LRRC9: variants seen among roughly 807,000 people sequenced by gnomAD.
LRRC9 encodes the protein leucine-rich repeat-containing protein 9.
A neutral mutation model predicts 63.2 loss-of-function variants in LRRC9; 122 were observed. That is an observed-to-expected ratio of 1.93 (90% CI 1.67 to 2.24). The LOEUF is 2.24. LRRC9 is among the 30% of genes most tolerant of loss of function. LRRC9 has a pLI of 0.00. For missense variants in LRRC9, 1,071 were observed against 627.7 expected, an observed-to-expected ratio of 1.71 and a Z score of -7.55; for synonymous variants, 366 against 213.1, an observed-to-expected ratio of 1.72 and a Z score of -6.25.
At chr14:59,994,317 T>C (rs1405715954) in intron 17 of LRRC9, among the ~76,000 whole-genome samples, 1 of 152,144 alleles carries the variant, frequency 6.6e-6, no homozygotes, top group Non-Finnish European at 1.5e-5. Flanking sequence ...TGAGATACCA[T>C]CTCACACCAG....
chr14:60,060,462 C>T lies in LRRC9; in HGVS notation c.4276+2440C>T, dbSNP rs1014295726. Among the ~76,000 whole-genome samples, 19 of 152,024 alleles carry T rather than the reference C, an allele frequency of 1.2e-4. No individual in the cohort carries two copies. The highest frequency in any genetic ancestry group is 2.9e-4 in the African/African-American group (12 of 41,378). On this transcript the variant is annotated intron_variant, in intron 31 of 31. Coordinates refer to ENST00000445360, the Ensembl canonical transcript of LRRC9. This position sits in a 1 kb window ranked among gnomAD's most constrained non-coding sequence, Gnocchi z 4.0. ...ACTACCATAGACAGTGATTCCTAAC[C>T]GGGCGCGATGGCTCACGCTTGTAAT...
exon 10 of LRRC9, chr14:59,961,001 T>G: frequency 2.9e-6 from 2 of 693,268 alleles, no homozygotes; most frequent in Non-Finnish European, 5.3e-6. Context: ...AGTTAGAGAC[T>G]GTGGGAAATT....
rs1211191813 is a variant in LRRC9 at position 60,058,832 on chromosome 14, G to C, written c.4276+810G>C. On this transcript the variant is annotated intron_variant, in intron 31 of 31. Coordinates refer to ENST00000445360, the Ensembl canonical transcript of LRRC9. The surrounding 1 kb of genome is among the most constrained non-coding windows in gnomAD (Gnocchi z 4.4). ...TTCCATGTGATTAAAGTTTTTTAAA[G>C]AAACCCACTGAAAAACAAACCAGCA... 6.6e-6 allele frequency among the ~76,000 whole-genome samples: 1 copy of C among 152,038 alleles called. No individual in the cohort carries two copies. Among genetic ancestry groups the C allele is most frequent in the African/African-American group, 2.4e-5 (1 of 41,408 alleles).
chr14:59,946,101 C>A (rs939326577), intron 8 of LRRC9, among the ~76,000 whole-genome samples: 3 of 151,202 alleles, frequency 2.0e-5, no homozygotes, highest in African/African-American at 7.3e-5. Context: ...ATTTATATAT[C>A]ATTGCACTAT....
chr14:59,964,474 G>GA lies in LRRC9; in HGVS notation c.1212-2109dup, dbSNP rs1884639801. On this transcript the variant is annotated intron_variant, in intron 10 of 31. Coordinates refer to ENST00000445360, the Ensembl canonical transcript of LRRC9. This position sits in a 1 kb window ranked among gnomAD's most constrained non-coding sequence, Gnocchi z 4.4. ...TTCCTGGGCAACATAAAATCTCCATGAAAAAATCACACTTCATAGCTCCTG... is the reference window on the plus strand; with the variant it reads ...TTCCTGGGCAACATAAAATCTCCATGAAAAAAATCACACTTCATAGCTCCTG... Among the ~76,000 whole-genome samples the GA allele has an allele frequency of 2.0e-5, 3 of 152,092 alleles. No individual in the cohort carries two copies. Among genetic ancestry groups the GA allele is most frequent in the Admixed American group, 1.3e-4 (2 of 15,270 alleles).
At chr14:59,978,821 T>A (rs1314284986) in intron 15 of LRRC9, among the ~76,000 whole-genome samples, 1 of 152,172 alleles carries the variant, frequency 6.6e-6, no homozygotes, top group Non-Finnish European at 1.5e-5. Context: ...AAAGGATATA[T>A]GCATCTTAAA....
At chr14:59,951,736 G>C (rs952126717) in intron 8 of LRRC9, among the ~76,000 whole-genome samples, 4 of 151,538 alleles carry the variant, frequency 2.6e-5, no homozygotes, top group African/African-American at 9.7e-5. Context: ...CTCAGCTGCA[G>C]GTCTGTTGGA....
At position 59,922,830 on chromosome 14, in the gene LRRC9, G is replaced by A. The variant is rs908657389; in HGVS notation, c.-34+2947G>A. 2.6e-5 allele frequency among the ~76,000 whole-genome samples: 4 copies of A among 152,292 alleles called. No individual in the cohort carries two copies. Among genetic ancestry groups the A allele is most frequent in the Non-Finnish European group, 5.9e-5 (4 of 68,022 alleles). ...TCCCACTCTCCTAGGAGAGGAAATT[G>A]AGGAAAATATAAAACATTTGTTGCT... On this transcript the variant is annotated intron_variant, in intron 1 of 31. Coordinates refer to ENST00000445360, the Ensembl canonical transcript of LRRC9. The surrounding 1 kb of genome is among the most constrained non-coding windows in gnomAD (Gnocchi z 5.3).
intron 13 of LRRC9, among the ~76,000 whole-genome samples, chr14:59,975,871 T>C (rs1376847557): frequency 6.6e-6 from 1 of 152,110 alleles, no homozygotes; most frequent in Non-Finnish European, 1.5e-5. Context: ...GCCCACAGAC[T>C]GGTTGCAGTT....
chr14:60,031,491 T>C lies in LRRC9; in HGVS notation c.3922-504T>C, dbSNP rs1185881475. On this transcript the variant is annotated intron_variant, in intron 28 of 31. Coordinates refer to ENST00000445360, the Ensembl canonical transcript of LRRC9. The surrounding 1 kb of genome is among the most constrained non-coding windows in gnomAD (Gnocchi z 4.6). Reference sequence around the variant, plus strand: ...GAAGCTAATAAATAATGCTATGCAATAGAGAAGGCAAATTATTTAACATGA... The same window carrying C: ...GAAGCTAATAAATAATGCTATGCAACAGAGAAGGCAAATTATTTAACATGA... Among the ~76,000 whole-genome samples, 1 of 152,048 alleles carries C rather than the reference T, an allele frequency of 6.6e-6. No individual in the cohort carries two copies. The highest frequency in any genetic ancestry group is 1.5e-5 in the Non-Finnish European group (1 of 67,950).
At position 59,979,979 on chromosome 14, in the gene LRRC9, T is replaced by TA. The variant is rs202013354; in HGVS notation, c.1878+1855dup. Among the ~76,000 whole-genome samples the TA allele has an allele frequency of 3.3e-5, 5 of 151,534 alleles. No homozygotes were observed. In the East Asian group the frequency reaches 5.8e-4, roughly 18 times the overall value. ...ACTTAAAGTATAATAATAATAAAAT[T>TA]AAAAAAAAGAAAAACTCATCATTTT... On this transcript the variant is annotated intron_variant, in intron 15 of 31. Transcript: ENST00000445360.
At chr14:59,921,852 G>T (rs995509910) in intron 1 of LRRC9, among the ~76,000 whole-genome samples, 1 of 151,690 alleles carries the variant, frequency 6.6e-6, no homozygotes, top group Non-Finnish European at 1.5e-5. Context: ...TTGGGAAGCC[G>T]AGGCGGGTGG....
chr14:59,953,091 C>T (rs1566808424), intron 8 of LRRC9, among the ~76,000 whole-genome samples: 1 of 152,208 alleles, frequency 6.6e-6, no homozygotes, highest in East Asian at 1.9e-4. Context: ...CAAGCCTTTG[C>T]TATTGTAAAT....
Position 60,018,197 on chromosome 14 carries a change from T to C in LRRC9, c.3318-174T>C, listed in dbSNP as rs11850504. On this transcript the variant is annotated intron_variant, in intron 24 of 31. Coordinates refer to ENST00000445360, the Ensembl canonical transcript of LRRC9. Reference sequence around the variant, plus strand: ...TTCTTGCATATGTACCCAACAAAAATGTATATTCAGCCGATCATTTAACCA... The same window carrying C: ...TTCTTGCATATGTACCCAACAAAAACGTATATTCAGCCGATCATTTAACCA... 5,057 of 537,908 alleles carry C rather than the reference T, an allele frequency of 9.4e-3. 197 individuals carry two copies. The highest frequency in any genetic ancestry group is 0.084 in the African/African-American group (4,450 of 52,836). The allele number at this position is 537,908 out of a possible 1,614,324, so 33.3% of individuals were successfully genotyped here. A position where few individuals can be genotyped will look rare whatever the true frequency, so the allele number is the denominator to read the frequency against.
intron 20 of LRRC9, among the ~76,000 whole-genome samples, chr14:60,002,559 T>A (rs761090738): frequency 3.9e-5 from 6 of 152,156 alleles, no homozygotes; most frequent in Non-Finnish European, 7.4e-5. Context: ...CTTTAATATA[T>A]GCAATTTTAA....
At chr14:59,959,622 A>C (rs971734034) in intron 8 of LRRC9, among the ~76,000 whole-genome samples, 196 bp from the exon 9 acceptor site, 11 of 152,176 alleles carry the variant, frequency 7.2e-5, no homozygotes, top group African/African-American at 2.4e-4. Flanking sequence ...GGCTGACTGA[A>C]TTTGCACCCA....
rs1881841895 is a variant in LRRC9, at chr14:59,942,175, C to A, written c.727-2414C>A. The stretch of plus-strand genomic sequence containing the variant: ...TTTTTATGGTTAAATAGTATTCCAT[C>A]ATGTGTATACACATATGTGTGTGTG... On this transcript the variant is annotated intron_variant, in intron 7 of 31. Transcript: ENST00000445360. This position sits in a 1 kb window ranked among gnomAD's most constrained non-coding sequence, Gnocchi z 5.3. Among the ~76,000 whole-genome samples, 1 of 152,160 alleles carries A rather than the reference C, an allele frequency of 6.6e-6. No individual in the cohort carries two copies. The highest frequency in any genetic ancestry group is 1.5e-5 in the Non-Finnish European group (1 of 68,024).
In LRRC9 at chr14:59,923,081, AG is replaced by A. The variant is rs1566773150; in HGVS notation, c.-34+3199del. The stretch of plus-strand genomic sequence containing the variant: ...CTGAAAGAGCTTCGAAGAGCAGGAG[AG>A]TAGTTACAAGCTGGCCAACAGGACA... On this transcript the variant is annotated intron_variant, in intron 1 of 31. Coordinates refer to ENST00000445360, the Ensembl canonical transcript of LRRC9. This position sits in a 1 kb window ranked among gnomAD's most constrained non-coding sequence, Gnocchi z 4.2. Among the ~76,000 whole-genome samples, 1 of 152,180 alleles carries A rather than the reference AG, an allele frequency of 6.6e-6. No homozygotes were observed. The highest frequency in any genetic ancestry group is 1.5e-5 in the Non-Finnish European group (1 of 68,028).
intron 29 of LRRC9, among the ~76,000 whole-genome samples, chr14:60,043,625 C>T (rs913675589): frequency 1.1e-4 from 17 of 152,116 alleles, no homozygotes; most frequent in Non-Finnish European, 2.9e-5. Context: ...ATCCTTGCAT[C>T]CCTGAGATGA....
Sources: gnomAD v4.1 joint callset for allele counts (sites outside exome capture counted in the v4.1 genomes callset) on GRCh38, gnomAD v4.1.1 for gene constraint, Gnocchi (gnomAD v3.1) non-coding constraint, MANE v1.5 for transcripts, NCBI Gene and HGNC (gene_info 2026-07-23, HGNC 2026-07-21) for gene names.